RUNX3: variants seen among roughly 807,000 people sequenced by gnomAD.
RUNX3 encodes the protein runt-related transcription factor 3.
A neutral mutation model predicts 27.7 loss-of-function variants in RUNX3; 10 were observed. The ratio of observed to expected loss-of-function variants is 0.36; its 90% CI spans 0.22 to 0.61. The LOEUF is 0.61. Ranked by LOEUF, RUNX3 falls within the 20% of genes least tolerant of loss-of-function variation. RUNX3 has a pLI of 0.72. For synonymous variants in RUNX3, 270 were observed against 269.2 expected (o/e 1.00, Z -0.03); for missense variants, 469 against 629.5 (o/e 0.75, Z 2.73).
chr1:24,930,725 C>G (rs1215018459), upstream of RUNX3, among the ~76,000 whole-genome samples: 3 of 152,208 alleles, frequency 2.0e-5, no homozygotes, highest in African/African-American at 7.2e-5. This position sits in a 1 kb window ranked among gnomAD's most constrained non-coding sequence, Gnocchi z 4.1. Flanking sequence ...CCGGTGACGC[C>G]GCACTGGGAG....
intron 2 of RUNX3, among the ~76,000 whole-genome samples, chr1:24,944,400 C>T (rs1391316115): frequency 6.6e-6 from 1 of 152,216 alleles, no homozygotes; most frequent in Non-Finnish European, 1.5e-5. Context: ...CATTCAGGTC[C>T]CTGCTGCCTC....
At chr1:24,933,433 C>G (rs1641275085), upstream of RUNX3, among the ~76,000 whole-genome samples, 1 of 152,226 alleles carries the variant, frequency 6.6e-6, no homozygotes, top group African/African-American at 2.4e-5. Flanking sequence ...ACCTCTCAAT[C>G]CTTGCTGGGG....
chr1:24,954,880 C>T (rs754892589), intron 2 of RUNX3, among the ~76,000 whole-genome samples: 2 of 152,180 alleles, frequency 1.3e-5, no homozygotes, highest in African/African-American at 2.4e-5. Flanking sequence ...TTCAGAGAAC[C>T]GCCCTGTGCA....
chr1:24,931,585 G>A (rs1641229971), upstream of RUNX3, among the ~76,000 whole-genome samples: 1 of 152,188 alleles, frequency 6.6e-6, no homozygotes, highest in Non-Finnish European at 1.5e-5. Flanking sequence ...CGTTGCCTCC[G>A]GCTCTCGACA....
upstream of RUNX3, among the ~76,000 whole-genome samples, chr1:24,932,617 C>A (rs897818178): frequency 5.9e-5 from 9 of 152,214 alleles, no homozygotes; most frequent in Admixed American, 1.3e-4. Context: ...AAGATGGACG[C>A]CTTCTGTCTT....
At chr1:24,921,420 G>A (rs1038686211) in intron 2 of RUNX3, among the ~76,000 whole-genome samples, 2 of 152,174 alleles carry the variant, frequency 1.3e-5, no homozygotes, top group African/African-American at 4.8e-5. Flanking sequence ...GGGAAATGAG[G>A]GGCTTCTCTG....
At chr1:24,925,511 A>G (rs1641081442) in intron 2 of RUNX3, among the ~76,000 whole-genome samples, 1 of 152,182 alleles carries the variant, frequency 6.6e-6, no homozygotes, top group African/African-American at 2.4e-5. Context: ...GGTAGGTACC[A>G]TTATCATCCC....
Position 24,938,509 on chromosome 1 carries a change from C to T in RUNX3, c.59-8657G>A, listed in dbSNP as rs141216028. 1.5e-4 allele frequency among the ~76,000 whole-genome samples: 23 copies of T among 152,254 alleles called. No individual in the cohort carries two copies. The East Asian group carries it at 4.4e-3, about 29-fold the overall frequency. Reference sequence around the variant, plus strand: ...TGGCCTCAGCATCAGCTCAGCTTGCCCTTGTCCCGCCGCCTTTAGCCCAGG... The same window carrying T: ...TGGCCTCAGCATCAGCTCAGCTTGCTCTTGTCCCGCCGCCTTTAGCCCAGG... On this transcript the variant is annotated intron_variant, in intron 2 of 6. Coordinates refer to the RUNX3 transcript ENST00000338888.
In RUNX3 at chr1:24,907,250, G is replaced by T. The variant is rs565828023; in HGVS notation, c.703+9C>A. On this transcript the variant is annotated intron_variant, in intron 4 of 4. Coordinates refer to ENST00000308873, the MANE Select transcript of RUNX3 (RefSeq NM_004350.3). ...TCACCCCGCTGCAGCCCCTCCCTCCGTGCCGTACCTTGGATTGGGGTCTGG... is the reference window on the plus strand; with the variant it reads ...TCACCCCGCTGCAGCCCCTCCCTCCTTGCCGTACCTTGGATTGGGGTCTGG... The T allele has an allele frequency of 1.9e-6, 3 of 1,607,056 alleles. No homozygotes were observed. The highest frequency in any genetic ancestry group is 2.2e-5 in the East Asian group (1 of 44,870).
At chr1:24,919,758 C>CT (rs200240148) in intron 2 of RUNX3, among the ~76,000 whole-genome samples, 3 of 151,866 alleles carry the variant, frequency 2.0e-5, no homozygotes, top group Non-Finnish European at 2.9e-5. Flanking sequence ...AGACACCCCC[C>CT]CCCCACGGTT....
chr1:24,956,766 G>C (rs945177749), intron 2 of RUNX3, among the ~76,000 whole-genome samples: 1 of 152,162 alleles, frequency 6.6e-6, no homozygotes. Flanking sequence ...AGGCAAGTTG[G>C]GTTTGGGAAT....
rs560955249 is a variant in RUNX3, at chr1:24,921,632, C to T, written c.440-2288G>A. Among the ~76,000 whole-genome samples the T allele has an allele frequency of 1.8e-3, 271 of 152,346 alleles. 2 individuals are homozygous for T. Among genetic ancestry groups the T allele is most frequent in the African/African-American group, 6.4e-3 (266 of 41,584 alleles). On this transcript the variant is annotated intron_variant, in intron 2 of 4. Coordinates refer to ENST00000308873, the MANE Select transcript of RUNX3 (RefSeq NM_004350.3). ...CGGGCTCCCTGCCCGACCCCTCCTA[C>T]TGCCTTTCCTCACTCTGAGGTCATT...
chr1:24,917,657 T>C (rs1241202413), intron 3 of RUNX3, among the ~76,000 whole-genome samples: 1 of 152,174 alleles, frequency 6.6e-6, no homozygotes, highest in Non-Finnish European at 1.5e-5. Context: ...GTGCTTTCTA[T>C]AGATTAAGCC....
rs536089558 is a variant in RUNX3, at chr1:24,916,506, G to A, written c.544+2734C>T. 6.6e-6 allele frequency among the ~76,000 whole-genome samples: 1 copy of A among 152,314 alleles called. No homozygotes were observed. Among genetic ancestry groups the A allele is most frequent in the East Asian group, 1.9e-4 (1 of 5,172 alleles). On this transcript the variant is annotated intron_variant, in intron 3 of 4. Coordinates refer to ENST00000308873, the MANE Select transcript of RUNX3 (RefSeq NM_004350.3). The surrounding 1 kb of genome is among the most constrained non-coding windows in gnomAD (Gnocchi z 4.8). ...CAAGAGATCAGTTACTGGGGACTTT[G>A]CACAGGGCCTGACGCAAGGGAGGGG...
chr1:24,956,766 G>A (rs945177749), intron 2 of RUNX3, among the ~76,000 whole-genome samples: 1 of 152,162 alleles, frequency 6.6e-6, no homozygotes, highest in African/African-American at 2.4e-5. Flanking sequence ...AGGCAAGTTG[G>A]GTTTGGGAAT....
intron 2 of RUNX3, among the ~76,000 whole-genome samples, chr1:24,955,848 T>C (rs1641906812): frequency 6.6e-6 from 1 of 152,234 alleles, no homozygotes; most frequent in Non-Finnish European, 1.5e-5. Context: ...GTCCATTGTG[T>C]TCACTTCTGC....
At chr1:24,941,102 A>T (rs932790585) in intron 2 of RUNX3, among the ~76,000 whole-genome samples, 3 of 152,210 alleles carry the variant, frequency 2.0e-5, no homozygotes, top group African/African-American at 4.8e-5. Context: ...TTTCATCCGG[A>T]TGGTCCTGTG....
chr1:24,939,248 A>G (rs1344428956), intron 2 of RUNX3, among the ~76,000 whole-genome samples: 1 of 152,192 alleles, frequency 6.6e-6, no homozygotes, highest in East Asian at 1.9e-4. Flanking sequence ...ACTCACACAC[A>G]GCACCCACGC....
intron 2 of RUNX3, among the ~76,000 whole-genome samples, chr1:24,955,402 G>A (rs563291332): frequency 1.3e-5 from 2 of 152,276 alleles, no homozygotes; most frequent in South Asian, 4.1e-4. Flanking sequence ...AACATTAGTT[G>A]CAGCAAGTCC....
Sources: gnomAD v4.1 joint callset for allele counts (sites outside exome capture counted in the v4.1 genomes callset) on GRCh38, gnomAD v4.1.1 for gene constraint, Gnocchi (gnomAD v3.1) non-coding constraint, MANE v1.5 for transcripts, NCBI Gene and HGNC (gene_info 2026-07-23, HGNC 2026-07-21) for gene names.